The following PLEKHA6 variants were observed in gnomAD, a reference collection of about 807,000 sequenced individuals.
PLEKHA6 encodes the protein pleckstrin homology domain-containing family A member 6.
Under a neutral mutation model 116.7 loss-of-function variants are expected in PLEKHA6, and 60 were observed. The observed-to-expected ratio is 0.51, with a 90% confidence interval of 0.42 to 0.64. The LOEUF (loss-of-function observed/expected upper bound fraction) is 0.64. Ranked by LOEUF, PLEKHA6 falls within the 30% of genes least tolerant of loss-of-function variation. The probability of loss-of-function intolerance (pLI) is 0.00; values close to 1 mark genes in which losing one functional copy is unlikely to be tolerated. For synonymous variants in PLEKHA6, 489 were observed against 556.1 expected, an observed-to-expected ratio of 0.88 and a Z score of 1.70; for missense variants, 1,338 against 1,422.7, an observed-to-expected ratio of 0.94 and a Z score of 0.96.
At chr1:204,240,719 G>T (rs1376498990) in intron 17 of PLEKHA6, among the ~76,000 whole-genome samples, 1 of 152,146 alleles carries the variant, frequency 6.6e-6, no homozygotes, top group Non-Finnish European at 1.5e-5. Flanking sequence ...ATGTGTATGG[G>T]TTCAAGTTGA....
At chr1:204,361,540 C>A (rs536756408), upstream of PLEKHA6, among the ~76,000 whole-genome samples, 2 of 152,252 alleles carry the variant, frequency 1.3e-5, no homozygotes, top group Non-Finnish European at 2.9e-5. Context: ...GGGCAGCAGG[C>A]GCAGCTCAGC....
intron 1 of PLEKHA6, among the ~76,000 whole-genome samples, chr1:204,278,114 C>T (rs1017782026): frequency 6.6e-5 from 10 of 152,180 alleles, no homozygotes; most frequent in Non-Finnish European, 1.3e-4. Flanking sequence ...AATTCTTCAG[C>T]GGCTAAAGAT....
At chr1:204,269,292 C>T (rs994016859) in intron 3 of PLEKHA6, among the ~76,000 whole-genome samples, 1 of 119,554 alleles carries the variant, frequency 8.4e-6, no homozygotes, top group African/African-American at 2.8e-5. Flanking sequence ...CCCTACAAAG[C>T]CTGGCCCCAT....
chr1:204,337,741 CT>C (rs1672702303), intron 1 of PLEKHA6, among the ~76,000 whole-genome samples: 1 of 152,112 alleles, frequency 6.6e-6, no homozygotes, highest in Admixed American at 6.5e-5. Flanking sequence ...GGGAAAATGA[CT>C]CACTTGTGCT....
chr1:204,226,279 G>A (rs1484964139), intron 21 of PLEKHA6, among the ~76,000 whole-genome samples: 5 of 152,212 alleles, frequency 3.3e-5, no homozygotes, highest in African/African-American at 1.2e-4. Flanking sequence ...GCAAAAGCAA[G>A]GTGACCGTTT....
chr1:204,254,891 A>C (rs1571905100), intron 9 of PLEKHA6, among the ~76,000 whole-genome samples: 1 of 151,956 alleles, frequency 6.6e-6, no homozygotes, highest in African/African-American at 2.4e-5. Context: ...CAGCATATTG[A>C]CCCCCAGCCT....
chr1:204,257,137 C>T lies in PLEKHA6; in HGVS notation c.1524+216G>A, dbSNP rs1474781331. Among the ~76,000 whole-genome samples, 1 of 152,224 alleles carries T rather than the reference C, an allele frequency of 6.6e-6. No individual in the cohort carries two copies. The highest frequency in any genetic ancestry group is 2.1e-4 in the South Asian group (1 of 4,830). On this transcript the variant is annotated intron_variant, in intron 9 of 22. Transcript: ENST00000272203. This position sits in a 1 kb window ranked among gnomAD's most constrained non-coding sequence, Gnocchi z 6.5. Reference sequence around the variant, plus strand: ...TGGGGGCATGTACAGAAAGCAATGTCCCCACTCAAGAGGCAAAGCCATCCC... The same window carrying T: ...TGGGGGCATGTACAGAAAGCAATGTTCCCACTCAAGAGGCAAAGCCATCCC...
chr1:204,299,545 C>T (rs1670614434), intron 1 of PLEKHA6: 1 of 820,206 alleles, frequency 1.2e-6, no homozygotes, highest in African/African-American at 1.9e-5. Context: ...AGCCGGCAGC[C>T]AGCAAGCTGA....
chr1:204,301,728 C>G (rs934575021), intron 1 of PLEKHA6, among the ~76,000 whole-genome samples: 1 of 152,192 alleles, frequency 6.6e-6, no homozygotes, highest in South Asian at 2.1e-4. Flanking sequence ...TATCAACACA[C>G]AGCCGAACAG....
chr1:204,239,728 G>A (rs1186870853), intron 17 of PLEKHA6, among the ~76,000 whole-genome samples: 1 of 152,156 alleles, frequency 6.6e-6, no homozygotes, highest in East Asian at 1.9e-4. Context: ...ACACCAACTA[G>A]GTGACAATAC....
At chr1:204,347,140 A>G in intron 1 of PLEKHA6, 1 of 1,118,098 alleles carries the variant, frequency 8.9e-7, no homozygotes, top group Non-Finnish European at 1.3e-6. Flanking sequence ...CTTGATGTCT[A>G]CAATATCACC....
intron 4 of PLEKHA6, 22 bp from the exon 5 acceptor site, chr1:204,267,569 G>A: frequency 1.2e-6 from 2 of 1,608,146 alleles, no homozygotes; most frequent in Non-Finnish European, 8.5e-7. Context: ...GGGAGAGGCA[G>A]ATGTGAGGGC....
chr1:204,314,455 C>T (rs577275077), intron 1 of PLEKHA6, among the ~76,000 whole-genome samples: 2 of 152,168 alleles, frequency 1.3e-5, no homozygotes, highest in African/African-American at 2.4e-5. Context: ...ACTGGGCCAA[C>T]AGTAAGTGCA....
At chr1:204,340,974 G>A (rs1290791568) in intron 1 of PLEKHA6, among the ~76,000 whole-genome samples, 1 of 152,218 alleles carries the variant, frequency 6.6e-6, no homozygotes, top group African/African-American at 2.4e-5. Flanking sequence ...CAGCTGATAG[G>A]AGGCATCCCA....
chr1:204,256,316 G>A (rs1018946570), intron 9 of PLEKHA6, among the ~76,000 whole-genome samples: 7 of 152,152 alleles, frequency 4.6e-5, no homozygotes, highest in Non-Finnish European at 7.3e-5. Flanking sequence ...GGAGAGACAC[G>A]AGTAGAAAGA....
rs1671890598 is a variant in PLEKHA6, at chr1:204,317,133, A to G, written c.-94-42324T>C. 1.5e-5 allele frequency: 7 copies of G among 468,964 alleles called. No homozygotes were observed. The South Asian group carries it at 6.1e-4, about 41-fold the overall frequency. 29.1% of individuals were successfully genotyped at this position (468,964 alleles called of 1,614,324 possible). A position where few individuals can be genotyped will look rare whatever the true frequency, so the allele number is the denominator to read the frequency against. ...GTGCTCACCAAATTCAGCTCTTCTG[A>G]GCATAAAATAACTTGGTAAATATAA... On this transcript the variant is annotated intron_variant, in intron 1 of 22. Coordinates refer to ENST00000272203, the MANE Select transcript of PLEKHA6 (RefSeq NM_014935.5).
intron 1 of PLEKHA6, among the ~76,000 whole-genome samples, chr1:204,313,328 C>T (rs1277202059): frequency 6.6e-6 from 1 of 152,096 alleles, no homozygotes; most frequent in Non-Finnish European, 1.5e-5. Flanking sequence ...TCAGGCCTCC[C>T]CACACAGCTC....
Position 204,238,062 on chromosome 1 carries a change from G to A in PLEKHA6, c.2409+3313C>T, listed in dbSNP as rs1168752119. 6.6e-6 allele frequency among the ~76,000 whole-genome samples: 1 copy of A among 152,222 alleles called. No homozygotes were observed. On this transcript the variant is annotated intron_variant, in intron 17 of 22. Coordinates refer to ENST00000272203, the MANE Select transcript of PLEKHA6 (RefSeq NM_014935.5). This position sits in a 1 kb window ranked among gnomAD's most constrained non-coding sequence, Gnocchi z 4.2. Reference sequence around the variant, plus strand: ...TTTGGCCCCTCCTACAACCAAGAAAGAGGCACAGTCTAGTAGGCCTATTTG... The same window carrying A: ...TTTGGCCCCTCCTACAACCAAGAAAAAGGCACAGTCTAGTAGGCCTATTTG...
At chr1:204,342,428 T>A (rs1230540799) in intron 1 of PLEKHA6, among the ~76,000 whole-genome samples, 1 of 152,244 alleles carries the variant, frequency 6.6e-6, no homozygotes, top group South Asian at 2.1e-4. Flanking sequence ...ACCTGGTCAG[T>A]AGGACTAATA....
Sources: allele counts gnomAD v4.1 joint callset (sites outside exome capture counted in the v4.1 genomes callset), GRCh38; gene constraint gnomAD v4.1.1; non-coding constraint Gnocchi (gnomAD v3.1); transcripts MANE v1.5; gene names NCBI Gene and HGNC (gene_info 2026-07-23, HGNC 2026-07-21).